Variants in PRIMA1 observed in about 807,000 individuals in gnomAD.
PRIMA1 encodes proline-rich membrane anchor 1.
In PRIMA1, 7 loss-of-function variants were observed where a neutral mutation model predicts 17.5. That is an observed-to-expected ratio of 0.40 (90% CI 0.23 to 0.75). The LOEUF (loss-of-function observed/expected upper bound fraction) is 0.75. PRIMA1 is among the 30% of genes least tolerant of loss of function. PRIMA1 has a pLI of 0.37. For missense variants in PRIMA1, 200 were observed against 201.8 expected, an observed-to-expected ratio of 0.99 and a Z score of 0.05; for synonymous variants, 97 against 77.9, an observed-to-expected ratio of 1.25 and a Z score of -1.29.
chr14:93,757,660 C>CT (rs1451097318), intron 3 of PRIMA1, among the ~76,000 whole-genome samples: 1 of 150,882 alleles, frequency 6.6e-6, no homozygotes, highest in Non-Finnish European at 1.5e-5. Context: ...TTCAAGCTCT[C>CT]TGAGTCTGTG....
intron 3 of PRIMA1, among the ~76,000 whole-genome samples, chr14:93,739,883 T>C (rs1247762636): frequency 3.3e-5 from 5 of 152,034 alleles, no homozygotes; most frequent in Admixed American, 1.3e-4. Flanking sequence ...CTGACCAACA[T>C]AGTGAAACCC....
intron 2 of PRIMA1, among the ~76,000 whole-genome samples, chr14:93,785,784 C>T (rs764172578): frequency 6.6e-6 from 1 of 152,076 alleles, no homozygotes; most frequent in Non-Finnish European, 1.5e-5. Flanking sequence ...ACCCATTCTA[C>T]TTGTCTGGAG....
chr14:93,744,872 C>T (rs1241913485), intron 3 of PRIMA1, among the ~76,000 whole-genome samples: 3 of 152,160 alleles, frequency 2.0e-5, no homozygotes, highest in Non-Finnish European at 4.4e-5. Context: ...CATTTAGCCT[C>T]CCTGGGGCAC....
rs539039322 is a variant in PRIMA1 at position 93,756,305 on chromosome 14, C to T, written c.230-18935G>A. ...GTATCTAATGGCTGCCACTGCTGGA[C>T]TTCTGAGGGGCAGTGGCCCAGGCTG... On this transcript the variant is annotated intron_variant, in intron 3 of 4. Transcript: ENST00000393140. Among the ~76,000 whole-genome samples the T allele has an allele frequency of 6.1e-4, 93 of 152,284 alleles. 1 individual carries two copies. The highest frequency in any genetic ancestry group is 2.2e-3 in the African/African-American group (92 of 41,560).
intron 4 of PRIMA1, among the ~76,000 whole-genome samples, chr14:93,734,654 C>G (rs192363049): frequency 5.3e-5 from 8 of 152,214 alleles, no homozygotes; most frequent in Admixed American, 5.2e-4. Context: ...CCCAGAGGAG[C>G]ACCACCCACA....
chr14:93,785,188 C>CA (rs386382197), intron 2 of PRIMA1, among the ~76,000 whole-genome samples: 3,418 of 110,040 alleles, frequency 0.031, 245 homozygotes, highest in African/African-American at 0.1. Context: ...TCTTCTCTTT[C>CA]AAAAAAAAAA....
intron 3 of PRIMA1, among the ~76,000 whole-genome samples, chr14:93,757,849 A>G (rs1595211369): frequency 1.3e-5 from 2 of 152,378 alleles, no homozygotes; most frequent in African/African-American, 4.8e-5. Context: ...AAGAACTTGA[A>G]GAGAACCCTG....
chr14:93,787,508 C>G, intron 2 of PRIMA1, 118 bp downstream of exon 2: 3 of 1,427,602 alleles, frequency 2.1e-6, no homozygotes, highest in Admixed American at 2.0e-5. Context: ...TTTTCCCAAG[C>G]TCTTCCGAGA....
At chr14:93,779,457 C>T (rs2141194029) in intron 2 of PRIMA1, 146 bp from the exon 3 acceptor site, 4 of 676,798 alleles carry the variant, frequency 5.9e-6, no homozygotes, top group South Asian at 2.2e-5. Flanking sequence ...CAACAGAAGT[C>T]GGATTGGTTC....
chr14:93,783,491 C>G (rs376630980), intron 2 of PRIMA1, among the ~76,000 whole-genome samples: 2 of 152,168 alleles, frequency 1.3e-5, no homozygotes, highest in African/African-American at 2.4e-5. Context: ...CCTCGGGTGT[C>G]TGGAGCTTGT....
At chr14:93,735,734 C>T (rs1429699596) in intron 4 of PRIMA1, among the ~76,000 whole-genome samples, 19 of 149,914 alleles carry the variant, frequency 1.3e-4, no homozygotes, top group African/African-American at 4.7e-4. Flanking sequence ...CTCTGTCGCC[C>T]AGTCTGGAGT....
chr14:93,733,897 T>TG (rs528118948), intron 4 of PRIMA1, among the ~76,000 whole-genome samples: 17 of 152,194 alleles, frequency 1.1e-4, no homozygotes, highest in African/African-American at 2.2e-4. Flanking sequence ...GGTCAGCGCC[T>TG]GGGGGGGCAG....
intron 3 of PRIMA1, among the ~76,000 whole-genome samples, chr14:93,756,813 C>T (rs914186528): frequency 6.6e-6 from 1 of 152,082 alleles, no homozygotes; most frequent in African/African-American, 2.4e-5. Context: ...TTCAGGAACC[C>T]GGGTCTTTCG....
At chr14:93,776,855 T>G (rs535718439) in intron 3 of PRIMA1, among the ~76,000 whole-genome samples, 1 of 152,362 alleles carries the variant, frequency 6.6e-6, no homozygotes, top group South Asian at 2.1e-4. Context: ...TACCGCTTAC[T>G]TCTCTCCCTT....
chr14:93,746,806 T>C (rs1240229497), intron 3 of PRIMA1, among the ~76,000 whole-genome samples: 4 of 151,888 alleles, frequency 2.6e-5, no homozygotes, highest in Non-Finnish European at 4.4e-5. Flanking sequence ...GTGGATTTCA[T>C]GGAAATGTGG....
intron 2 of PRIMA1, among the ~76,000 whole-genome samples, chr14:93,782,641 A>G (rs1205148223): frequency 6.6e-6 from 1 of 152,230 alleles, no homozygotes; most frequent in Admixed American, 6.5e-5. Flanking sequence ...AAACAAAAAA[A>G]TCAATGGTTC....
chr14:93,729,541 A>G (rs2076100179), intron 4 of PRIMA1, among the ~76,000 whole-genome samples: 1 of 152,210 alleles, frequency 6.6e-6, no homozygotes, highest in Non-Finnish European at 1.5e-5. Flanking sequence ...TTGAGGGTGG[A>G]TGGAGCAGTT....
chr14:93,727,724 T>G (rs1595190109), intron 4 of PRIMA1, among the ~76,000 whole-genome samples: 1 of 151,660 alleles, frequency 6.6e-6, no homozygotes, highest in African/African-American at 2.4e-5. Context: ...CAGACACATG[T>G]GGGCATGCCC....
At chr14:93,755,875 C>T (rs1291716681) in intron 3 of PRIMA1, among the ~76,000 whole-genome samples, 3 of 152,042 alleles carry the variant, frequency 2.0e-5, no homozygotes, top group African/African-American at 4.8e-5. Flanking sequence ...GAGTGCCTGG[C>T]GAGGTGAGGA....
Sources: allele counts gnomAD v4.1 joint callset (sites outside exome capture counted in the v4.1 genomes callset), GRCh38; gene constraint gnomAD v4.1.1; transcripts MANE v1.5; gene names NCBI Gene and HGNC (gene_info 2026-07-23, HGNC 2026-07-21).